Variants in NEGR1 observed in about 807,000 individuals in gnomAD.
NEGR1 encodes neuronal growth regulator 1.
A neutral mutation model predicts 40.9 loss-of-function variants in NEGR1; 10 were observed. That is an observed-to-expected ratio of 0.24 (90% CI 0.15 to 0.42). NEGR1 has a LOEUF of 0.42. Ranked by LOEUF, NEGR1 falls within the 10% of genes least tolerant of loss-of-function variation. The probability of loss-of-function intolerance (pLI) is 1.00; values close to 1 mark genes in which losing one functional copy is unlikely to be tolerated. For synonymous variants in NEGR1, 185 were observed against 166.8 expected (o/e 1.11, Z -0.84); for missense variants, 352 against 438.9 (o/e 0.80, Z 1.77).
At chr1:72,191,180 C>A (rs1245700765) in intron 1 of NEGR1, among the ~76,000 whole-genome samples, 1 of 151,730 alleles carries the variant, frequency 6.6e-6, no homozygotes, top group Non-Finnish European at 1.5e-5. Flanking sequence ...TAGTAACATT[C>A]TCCAGATAAC....
chr1:71,590,525 G>C (rs1454123351), intron 6 of NEGR1, among the ~76,000 whole-genome samples: 3 of 151,802 alleles, frequency 2.0e-5, no homozygotes, highest in Non-Finnish European at 1.5e-5. Flanking sequence ...TGCTTTGCCG[G>C]GTGTAGGCAT....
intron 6 of NEGR1, among the ~76,000 whole-genome samples, chr1:71,507,023 G>T (rs983380383): frequency 2.0e-5 from 3 of 152,144 alleles, no homozygotes; most frequent in Admixed American, 1.3e-4. Context: ...AAAAAATCTG[G>T]ACAAAGCAGG....
chr1:71,620,307 A>AAGC (rs1405871749), intron 4 of NEGR1, among the ~76,000 whole-genome samples: 2 of 152,032 alleles, frequency 1.3e-5, no homozygotes, highest in African/African-American at 4.8e-5. Context: ...TGTGGAAAAT[A>AAGC]AGCATGTTGA....
chr1:71,786,804 C>A (rs935011230), intron 2 of NEGR1, among the ~76,000 whole-genome samples: 1 of 152,200 alleles, frequency 6.6e-6, no homozygotes, highest in Non-Finnish European at 1.5e-5. Flanking sequence ...CTGCTTCATA[C>A]AGTAGAGTTG....
chr1:72,094,196 T>A (rs1445034679), intron 1 of NEGR1, among the ~76,000 whole-genome samples: 1 of 152,102 alleles, frequency 6.6e-6, no homozygotes, highest in Non-Finnish European at 1.5e-5. Flanking sequence ...CACAAATGAA[T>A]TCCTAATTGC....
At chr1:72,210,725 T>G (rs1653572620) in intron 1 of NEGR1, among the ~76,000 whole-genome samples, 1 of 151,812 alleles carries the variant, frequency 6.6e-6, no homozygotes, top group African/African-American at 2.4e-5. Flanking sequence ...GTTAATGGAG[T>G]TGTGGAATAT....
intron 1 of NEGR1, among the ~76,000 whole-genome samples, chr1:71,954,020 G>A (rs1646095788): frequency 6.6e-6 from 1 of 151,916 alleles, no homozygotes; most frequent in African/African-American, 2.4e-5. Context: ...TGGTTTATAG[G>A]ACTTCAAGAA....
chr1:72,023,341 A>C (rs147043419), intron 1 of NEGR1, among the ~76,000 whole-genome samples: 1 of 152,166 alleles, frequency 6.6e-6, no homozygotes, highest in East Asian at 1.9e-4. Context: ...AAATTACCTT[A>C]TTTTTAATTG....
intron 1 of NEGR1, among the ~76,000 whole-genome samples, chr1:72,260,980 G>C (rs944871517): frequency 5.3e-5 from 8 of 151,916 alleles, no homozygotes; most frequent in African/African-American, 1.7e-4. Context: ...AAATATTCTA[G>C]ATATAGTTAT....
chr1:71,855,030 C>G (rs867502808), intron 2 of NEGR1, among the ~76,000 whole-genome samples: 3 of 152,068 alleles, frequency 2.0e-5, no homozygotes, highest in African/African-American at 7.2e-5. Flanking sequence ...CTGAGTTCAC[C>G]TTTCTGTTGA....
At chr1:72,072,935 A>G (rs1387476095) in intron 1 of NEGR1, among the ~76,000 whole-genome samples, 1 of 152,158 alleles carries the variant, frequency 6.6e-6, no homozygotes, top group Admixed American at 6.6e-5. Context: ...AAATACATTT[A>G]TGTACTTTAT....
At chr1:71,532,730 G>T (rs1647393306) in intron 6 of NEGR1, among the ~76,000 whole-genome samples, 1 of 151,504 alleles carries the variant, frequency 6.6e-6, no homozygotes. Context: ...GATAGACGAG[G>T]ACAAGTAACA....
At chr1:72,203,189 G>A (rs1254173776) in intron 1 of NEGR1, among the ~76,000 whole-genome samples, 1 of 152,078 alleles carries the variant, frequency 6.6e-6, no homozygotes, top group Non-Finnish European at 1.5e-5. Flanking sequence ...TGATTCCACT[G>A]ATGGATCTGA....
intron 1 of NEGR1, among the ~76,000 whole-genome samples, chr1:71,938,143 AT>A (rs538060028): frequency 6.2e-4 from 94 of 152,198 alleles, no homozygotes; most frequent in African/African-American, 2.2e-3. Flanking sequence ...AGAAAAAAAA[AT>A]ATTTTCCTTT....
chr1:72,241,144 G>A (rs1323253161), intron 1 of NEGR1, among the ~76,000 whole-genome samples: 2 of 151,486 alleles, frequency 1.3e-5, no homozygotes, highest in East Asian at 1.9e-4. Context: ...ATTTTTCAAT[G>A]GTATTTCTGA....
chr1:71,951,309 C>T (rs1472679249), intron 1 of NEGR1, among the ~76,000 whole-genome samples: 1 of 151,792 alleles, frequency 6.6e-6, no homozygotes, highest in East Asian at 1.9e-4. Flanking sequence ...GCTCGGTGGC[C>T]CTTGTGAAAT....
intron 1 of NEGR1, among the ~76,000 whole-genome samples, chr1:72,152,896 C>T (rs1239099764): frequency 6.6e-6 from 1 of 151,890 alleles, no homozygotes; most frequent in Non-Finnish European, 1.5e-5. Flanking sequence ...AAACTAAATA[C>T]CATGTGTTCT....
intron 1 of NEGR1, among the ~76,000 whole-genome samples, chr1:71,977,094 G>A (rs981809622): frequency 1.1e-4 from 17 of 152,196 alleles, no homozygotes; most frequent in Admixed American, 7.2e-4. Context: ...AGGCCGAGGC[G>A]GGTGGACTGT....
chr1:72,159,702 T>C (rs889499615), intron 1 of NEGR1, among the ~76,000 whole-genome samples: 1 of 152,134 alleles, frequency 6.6e-6, no homozygotes, highest in African/African-American at 2.4e-5. Flanking sequence ...TGAATATAAT[T>C]TACTTGCTGC....
Sources: allele counts gnomAD v4.1 joint callset (sites outside exome capture counted in the v4.1 genomes callset), GRCh38; gene constraint gnomAD v4.1.1; transcripts MANE v1.5; gene names NCBI Gene and HGNC (gene_info 2026-07-23, HGNC 2026-07-21).